Variants in GLI3 observed in about 807,000 individuals in gnomAD.
GLI3 encodes GLI family zinc finger 3, also known as transcription activator GLI3.
In GLI3, 20 loss-of-function variants were observed where a neutral mutation model predicts 100.8. The observed-to-expected ratio is 0.20, with a 90% confidence interval of 0.14 to 0.29. The LOEUF (loss-of-function observed/expected upper bound fraction) is 0.29. Among genes scored for constraint, GLI3 ranks in the 10% least tolerant of loss-of-function variants. The pLI is 1.00. For missense variants in GLI3, 2,040 were observed against 2,128.5 expected (o/e 0.96, Z 0.82); for synonymous variants, 938 against 860.5 (o/e 1.09, Z -1.58).
chr7:42,003,696 G>A (rs879224034), intron 10 of GLI3, among the ~76,000 whole-genome samples: 3 of 152,090 alleles, frequency 2.0e-5, no homozygotes, highest in Admixed American at 2.0e-4. Flanking sequence ...ATTATTAAAG[G>A]ATTTTATTCT....
Position 41,965,580 on chromosome 7 carries a change from C to A in GLI3, c.3493G>T (p.Val1165Phe). ...KTDLPIQWNEVSSGSADLSSS... is the reference protein window; with the variant it reads ...KTDLPIQWNEFSSGSADLSSS... Reference sequence around the variant, plus strand: ...GACAGGTCGGCGCTTCCGGAGCTGACTTCGTTCCACTGAATGGGCAGGTCG... The same window carrying A: ...GACAGGTCGGCGCTTCCGGAGCTGAATTCGTTCCACTGAATGGGCAGGTCG... The change falls in exon 15 of 15, where the codon GTC (valine) becomes TTC (phenylalanine). Residue 1165 changes from valine to phenylalanine, a missense_variant. Physicochemically the swap from Val to Phe is conservative, Grantham distance 50. This residue lies in a region of GLI3 where 1,041 missense variants were observed against 924.0 expected (regional missense o/e 1.13). Coordinates refer to ENST00000395925, the MANE Select transcript of GLI3 (RefSeq NM_000168.6). The A allele has an allele frequency of 6.2e-7, 1 of 1,605,502 alleles. No individual in the cohort carries two copies. Among genetic ancestry groups the A allele is most frequent in the Non-Finnish European group, 8.5e-7 (1 of 1,173,172 alleles).
chr7:42,009,911 C>T (rs1391321528), intron 10 of GLI3, among the ~76,000 whole-genome samples: 2 of 152,174 alleles, frequency 1.3e-5, no homozygotes, highest in African/African-American at 4.8e-5. Context: ...CCCACAGTAG[C>T]CCCAGTGGAC....
chr7:42,206,636 G>A (rs1324566535), intron 2 of GLI3, among the ~76,000 whole-genome samples: 3 of 152,142 alleles, frequency 2.0e-5, no homozygotes, highest in Non-Finnish European at 4.4e-5. Flanking sequence ...TCGAATAGAA[G>A]CCAAGAGCCA....
intron 2 of GLI3, among the ~76,000 whole-genome samples, chr7:42,202,791 G>T (rs111403582): frequency 6.6e-5 from 10 of 152,236 alleles, no homozygotes; most frequent in African/African-American, 2.4e-4. Context: ...GAATGGACGG[G>T]GGTCCCACTG....
chr7:42,164,647 G>A (rs1278559451), intron 2 of GLI3, among the ~76,000 whole-genome samples: 1 of 151,852 alleles, frequency 6.6e-6, no homozygotes, highest in Non-Finnish European at 1.5e-5. Flanking sequence ...TGGCTAACAC[G>A]GTGAAACCCC....
intron 2 of GLI3, among the ~76,000 whole-genome samples, chr7:42,168,915 C>G (rs1787303217): frequency 6.6e-6 from 1 of 151,992 alleles, no homozygotes. Context: ...GAAATCCTGT[C>G]TCAAAAAAAT....
At chr7:42,097,631 A>G (rs1785369234) in intron 3 of GLI3, among the ~76,000 whole-genome samples, 1 of 152,236 alleles carries the variant, frequency 6.6e-6, no homozygotes, top group South Asian at 2.1e-4. Flanking sequence ...TTACTGATCT[A>G]AAATTTAACA....
chr7:42,197,834 C>T (rs1363244607), intron 2 of GLI3, among the ~76,000 whole-genome samples: 2 of 152,176 alleles, frequency 1.3e-5, no homozygotes, highest in Non-Finnish European at 2.9e-5. Flanking sequence ...TCCACGTTAA[C>T]GCAAGGCTCT....
intron 3 of GLI3, among the ~76,000 whole-genome samples, chr7:42,122,557 G>A (rs1786028407): frequency 6.6e-6 from 1 of 152,104 alleles, no homozygotes; most frequent in Non-Finnish European, 1.5e-5. Context: ...GCAGGTACTT[G>A]GTGTCAGGAA....
chr7:42,023,390 C>A (rs1284973922), intron 10 of GLI3, 78 bp downstream of exon 10: 2 of 1,465,164 alleles, frequency 1.4e-6, no homozygotes, highest in Non-Finnish European at 1.9e-6. Context: ...CTTGACTCAG[C>A]TCAGGGTCAG....
intron 5 of GLI3, among the ~76,000 whole-genome samples, chr7:42,047,467 G>A (rs1393731678): frequency 1.3e-5 from 2 of 152,166 alleles, no homozygotes; most frequent in Admixed American, 6.5e-5. Context: ...AACAGGCAGT[G>A]GTGATTTGCG....
chr7:42,064,219 T>C (rs925438164), intron 4 of GLI3, among the ~76,000 whole-genome samples: 5 of 152,198 alleles, frequency 3.3e-5, no homozygotes, highest in Non-Finnish European at 5.9e-5. Context: ...CATGTGGGCA[T>C]GCATGTGTCA....
intron 8 of GLI3, among the ~76,000 whole-genome samples, chr7:42,025,882 G>T (rs141899695): frequency 6.6e-6 from 1 of 152,340 alleles, no homozygotes; most frequent in Non-Finnish European, 1.5e-5. Context: ...GTGACCAAAT[G>T]AGAGCAATGC....
At chr7:42,155,070 A>T (rs1232550911) in intron 2 of GLI3, among the ~76,000 whole-genome samples, 2 of 152,200 alleles carry the variant, frequency 1.3e-5, no homozygotes, top group Non-Finnish European at 2.9e-5. Context: ...CTCTCCCTCA[A>T]AGATTATGGG....
intron 1 of GLI3, among the ~76,000 whole-genome samples, chr7:42,248,717 T>C (rs1022908046): frequency 4.6e-5 from 7 of 152,214 alleles, no homozygotes; most frequent in African/African-American, 1.4e-4. Flanking sequence ...AATATTTCTA[T>C]TATAATAAAA....
chr7:42,241,016 A>G (rs1788918878), upstream of GLI3, among the ~76,000 whole-genome samples: 1 of 152,198 alleles, frequency 6.6e-6, no homozygotes, highest in Admixed American at 6.5e-5. Flanking sequence ...ATGTGTACTA[A>G]TAAACTTCAA....
At chr7:42,176,985 C>G (rs752070686) in intron 2 of GLI3, among the ~76,000 whole-genome samples, 1 of 152,204 alleles carries the variant, frequency 6.6e-6, no homozygotes, top group Non-Finnish European at 1.5e-5. Flanking sequence ...GGCCTTCTCA[C>G]GGAGCTAAGA....
chr7:42,191,123 A>T (rs778149860), intron 2 of GLI3, among the ~76,000 whole-genome samples: 2 of 152,206 alleles, frequency 1.3e-5, no homozygotes, highest in Non-Finnish European at 2.9e-5. Flanking sequence ...ACAGAAATAC[A>T]CTATACAGCA....
intron 3 of GLI3, among the ~76,000 whole-genome samples, chr7:42,139,921 A>T (rs920595251): frequency 2.0e-5 from 3 of 152,192 alleles, no homozygotes; most frequent in African/African-American, 4.8e-5. Flanking sequence ...AAGTCTTAGT[A>T]ATCACCCCAG....
Sources: allele counts gnomAD v4.1 joint callset (sites outside exome capture counted in the v4.1 genomes callset), GRCh38; gene constraint gnomAD v4.1.1; regional missense constraint gnomAD v4.1.1; transcripts MANE v1.5; gene names NCBI Gene and HGNC (gene_info 2026-07-23, HGNC 2026-07-21).